Variants in VAV2 observed in about 807,000 individuals in gnomAD.
VAV2 encodes vav guanine nucleotide exchange factor 2.
VAV2 carries 67 observed loss-of-function variants against 132.5 expected under a neutral mutation model. The observed-to-expected ratio is 0.51, with a 90% CI of 0.42 to 0.62. The LOEUF (loss-of-function observed/expected upper bound fraction) is 0.62, where lower values mean the gene tolerates loss of function less well. Ranked by LOEUF, VAV2 falls within the 20% of genes least tolerant of loss-of-function variation. The probability of loss-of-function intolerance (pLI) is 0.00; values close to 1 mark genes in which losing one functional copy is unlikely to be tolerated. For synonymous variants in VAV2, 492 were observed against 443.5 expected (o/e 1.11, Z -1.37); for missense variants, 938 against 1,153.6 (o/e 0.81, Z 2.71).
intron 2 of VAV2, among the ~76,000 whole-genome samples, chr9:133,865,787 C>T (rs1167791320): frequency 2.6e-5 from 4 of 152,174 alleles, no homozygotes; most frequent in Admixed American, 6.5e-5. Context: ...TATAAACACA[C>T]GTATATATTG....
At chr9:133,989,004 G>A (rs187072927) in intron 1 of VAV2, among the ~76,000 whole-genome samples, 3 of 152,256 alleles carry the variant, frequency 2.0e-5, no homozygotes, top group East Asian at 1.9e-4. Flanking sequence ...AAGGACAGGA[G>A]TTCGAGCCCA....
In VAV2 at chr9:133,959,635, C is replaced by A. The variant is rs531460588; in HGVS notation, c.205-20416G>T. Among the ~76,000 whole-genome samples the A allele has an allele frequency of 3.3e-5, 5 of 152,334 alleles. No individual in the cohort carries two copies. The South Asian group carries it at 1.0e-3, about 32-fold the overall frequency. On this transcript the variant is annotated intron_variant, in intron 1 of 29. Transcript: ENST00000371850. ...CCCTATCTTGTCCTGACTCCCAGAA[C>A]CTCCAAACGTGACCTGATTTAGGAA...
In VAV2 at chr9:133,883,480, T is replaced by C. The variant is rs1400912154; in HGVS notation, c.322-22048A>G. Reference sequence around the variant, plus strand: ...AGCCACTTAAAAATTCGTCGGAACATGTTGAAACAATGAGGGGATAGAACA... The same window carrying C: ...AGCCACTTAAAAATTCGTCGGAACACGTTGAAACAATGAGGGGATAGAACA... On this transcript the variant is annotated intron_variant, in intron 2 of 29. Coordinates refer to ENST00000371850, the MANE Select transcript of VAV2 (RefSeq NM_001134398.2). The surrounding 1 kb of genome is among the most constrained non-coding windows in gnomAD (Gnocchi z 4.2). Among the ~76,000 whole-genome samples, 3 of 152,112 alleles carry C rather than the reference T, an allele frequency of 2.0e-5. No individual in the cohort carries two copies. The highest frequency in any genetic ancestry group is 2.1e-4 in the South Asian group (1 of 4,836).
In VAV2 at chr9:133,802,038, TC is replaced by T. The variant is rs918939038; in HGVS notation, c.836+4042del. On this transcript the variant is annotated intron_variant, in intron 9 of 29. Coordinates refer to ENST00000371850, the MANE Select transcript of VAV2 (RefSeq NM_001134398.2). The surrounding 1 kb of genome is among the most constrained non-coding windows in gnomAD (Gnocchi z 5.8). Reference sequence around the variant, plus strand: ...CTCACACAGACGCCTTCACCCTCCGTCCACACCACAGGACTCTGAGCACCTG... The same window carrying T: ...CTCACACAGACGCCTTCACCCTCCGTCACACCACAGGACTCTGAGCACCTG... Among the ~76,000 whole-genome samples the T allele has an allele frequency of 1.2e-4, 18 of 151,846 alleles. No individual in the cohort carries two copies. Among genetic ancestry groups the T allele is most frequent in the African/African-American group, 3.9e-4 (16 of 41,308 alleles).
At chr9:133,975,004 C>G (rs976955309) in intron 1 of VAV2, among the ~76,000 whole-genome samples, 1 of 152,248 alleles carries the variant, frequency 6.6e-6, no homozygotes, top group Non-Finnish European at 1.5e-5. Context: ...CAGAACCCAG[C>G]GTGCGTCATG....
At chr9:133,896,453 CA>C (rs1463296470) in intron 2 of VAV2, among the ~76,000 whole-genome samples, 1 of 151,710 alleles carries the variant, frequency 6.6e-6, no homozygotes, top group Non-Finnish European at 1.5e-5. Flanking sequence ...GACTCAGTCT[CA>C]AAAAAATAAA....
chr9:133,893,460 C>T (rs998853593), intron 2 of VAV2, among the ~76,000 whole-genome samples: 1 of 152,220 alleles, frequency 6.6e-6, no homozygotes, highest in Non-Finnish European at 1.5e-5. Context: ...CTGGGGTCCT[C>T]AGGTGGCAAG....
Position 133,794,733 on chromosome 9 carries a change from T to A in VAV2, c.1101+935A>T, listed in dbSNP as rs1330729084. On this transcript the variant is annotated intron_variant, in intron 12 of 29. Coordinates refer to ENST00000371850, the MANE Select transcript of VAV2 (RefSeq NM_001134398.2). This position sits in a 1 kb window ranked among gnomAD's most constrained non-coding sequence, Gnocchi z 4.6. ...GGGGGTCGTCATCCCTCCACCCAGA[T>A]GCAGCTGGAGGGGACCTACCACATG... Among the ~76,000 whole-genome samples the A allele has an allele frequency of 6.6e-6, 1 of 152,098 alleles. No homozygotes were observed. Among genetic ancestry groups the A allele is most frequent in the Non-Finnish European group, 1.5e-5 (1 of 68,016 alleles).
chr9:133,961,040 G>A lies in VAV2; in HGVS notation c.205-21821C>T, dbSNP rs550312780. On this transcript the variant is annotated intron_variant, in intron 1 of 29. Transcript: ENST00000371850. This position sits in a 1 kb window ranked among gnomAD's most constrained non-coding sequence, Gnocchi z 4.1. The stretch of plus-strand genomic sequence containing the variant: ...GCGACGCCTGCCTGGGAGCGCAGGT[G>A]AGGGAGCAGGGGCCTCCACTGGCCC... Among the ~76,000 whole-genome samples, 42 of 152,364 alleles carry A rather than the reference G, an allele frequency of 2.8e-4. No homozygotes were observed. Among genetic ancestry groups the A allele is most frequent in the African/African-American group, 9.9e-4 (41 of 41,588 alleles).
chr9:133,918,395 G>C lies in VAV2; in HGVS notation c.321+20708C>G, dbSNP rs1840177384. Among the ~76,000 whole-genome samples the C allele has an allele frequency of 6.6e-6, 1 of 151,818 alleles. No individual in the cohort carries two copies. The highest frequency in any genetic ancestry group is 1.5e-5 in the Non-Finnish European group (1 of 67,964). ...GGACCCAGGCCCAGCTGCTAGCCCG[G>C]GCTACCACCACCACCAGGAAACACT... is the stretch of plus-strand genomic sequence containing the variant. On this transcript the variant is annotated intron_variant, in intron 2 of 29. Transcript: ENST00000371850. The surrounding 1 kb of genome is among the most constrained non-coding windows in gnomAD (Gnocchi z 4.7).
intron 9 of VAV2, among the ~76,000 whole-genome samples, chr9:133,798,911 G>T (rs1452680078): frequency 6.6e-6 from 1 of 152,240 alleles, no homozygotes; most frequent in African/African-American, 2.4e-5. Flanking sequence ...AGGGCTGTGT[G>T]TTGGTGTCTG....
At chr9:133,921,588 ACT>A (rs1442288998) in intron 2 of VAV2, among the ~76,000 whole-genome samples, 2 of 152,292 alleles carry the variant, frequency 1.3e-5, no homozygotes, top group African/African-American at 4.8e-5. Context: ...GGGGAAAGAA[ACT>A]CTAATTGGGG....
intron 10 of VAV2, among the ~76,000 whole-genome samples, chr9:133,796,918 C>T (rs900886358): frequency 1.3e-5 from 2 of 152,224 alleles, no homozygotes; most frequent in African/African-American, 2.4e-5. Flanking sequence ...TCTGGTCTGG[C>T]CTCTGGGAGA....
chr9:133,897,081 G>A (rs573910471), intron 2 of VAV2, among the ~76,000 whole-genome samples: 7 of 152,270 alleles, frequency 4.6e-5, no homozygotes, highest in Admixed American at 1.3e-4. Flanking sequence ...GCGACAGAGC[G>A]AGACTCCATC....
intron 4 of VAV2, among the ~76,000 whole-genome samples, chr9:133,814,559 A>G (rs1407901936): frequency 6.6e-6 from 1 of 152,192 alleles, no homozygotes; most frequent in African/African-American, 2.4e-5. Flanking sequence ...CCAACAGGCC[A>G]GGTGGAAGGA....
chr9:133,900,218 G>A (rs1277799873), intron 2 of VAV2, among the ~76,000 whole-genome samples: 1 of 151,546 alleles, frequency 6.6e-6, no homozygotes, highest in Admixed American at 6.6e-5. Flanking sequence ...AAAGAAGAAA[G>A]AAAGAAAAGA....
At chr9:133,895,928 CTTT>C (rs551480342) in intron 2 of VAV2, among the ~76,000 whole-genome samples, 5 of 115,218 alleles carry the variant, frequency 4.3e-5, no homozygotes, top group Admixed American at 1.7e-4. Flanking sequence ...ACACTAAAAT[CTTT>C]TTTTTTTTTT....
At chr9:133,774,789 C>T (rs1564332508) in intron 25 of VAV2, 146 bp downstream of exon 25, 20 of 752,918 alleles carry the variant, frequency 2.7e-5, no homozygotes, top group East Asian at 1.8e-4. Context: ...CCCTCAGCAC[C>T]GCTTTCATCT....
chr9:133,913,168 A>G (rs1274050057), intron 2 of VAV2, among the ~76,000 whole-genome samples: 1 of 152,094 alleles, frequency 6.6e-6, no homozygotes, highest in Non-Finnish European at 1.5e-5. Flanking sequence ...TGGTGAGACA[A>G]TGTCCCAGAG....
Sources: gnomAD v4.1 joint callset for allele counts (sites outside exome capture counted in the v4.1 genomes callset) on GRCh38, gnomAD v4.1.1 for gene constraint, Gnocchi (gnomAD v3.1) non-coding constraint, MANE v1.5 for transcripts, NCBI Gene and HGNC (gene_info 2026-07-23, HGNC 2026-07-21) for gene names.